CACNA1E: variants seen among roughly 807,000 people sequenced by gnomAD.
The protein encoded by CACNA1E is calcium voltage-gated channel subunit alpha1 E.
Under a neutral mutation model 259.2 loss-of-function variants are expected in CACNA1E, and 40 were observed. That is an observed-to-expected ratio of 0.15 (90% confidence interval 0.12 to 0.20). CACNA1E has a LOEUF of 0.20. CACNA1E is among the 10% of genes least tolerant of loss of function. The pLI is 1.00. For missense variants in CACNA1E, 1,874 were observed against 3,040.1 expected (o/e 0.62, Z 9.02); for synonymous variants, 1,104 against 1,138.5 (o/e 0.97, Z 0.61).
In CACNA1E at chr1:181,732,381, C is replaced by T. The variant is rs1216728269; in HGVS notation, c.2298-3C>T. ...CCGCGGCCCTGCCCTTTCCCCTTGG[C>T]AGGAGGGAGCGGAGGCGCCGGCACC... On this transcript the variant is annotated splice_region_variant and splice_polypyrimidine_tract_variant and intron_variant, in intron 19 of 47. Coordinates refer to ENST00000367573, the MANE Select transcript of CACNA1E (RefSeq NM_001205293.3). The surrounding 1 kb of genome is among the most constrained non-coding windows in gnomAD (Gnocchi z 5.5). 6.6e-7 allele frequency: 1 copy of T among 1,510,718 alleles called. No individual in the cohort carries two copies. The highest frequency in any genetic ancestry group is 1.3e-5 in the South Asian group (1 of 75,522). The allele number at this position is 1,510,718 out of a possible 1,614,324, so 93.6% of individuals were successfully genotyped here.
intron 7 of CACNA1E, among the ~76,000 whole-genome samples, chr1:181,691,003 C>A (rs936718392): frequency 6.6e-6 from 1 of 151,990 alleles, no homozygotes. Context: ...ATTGTGCTCA[C>A]TGCATCTATG....
chr1:181,367,628 C>A (rs1159340550), intron 1 of CACNA1E, among the ~76,000 whole-genome samples: 1 of 147,858 alleles, frequency 6.8e-6, no homozygotes, highest in Non-Finnish European at 1.5e-5. Context: ...TATGATTAAT[C>A]AAATATAACA....
intron 7 of CACNA1E, among the ~76,000 whole-genome samples, chr1:181,704,044 G>A (rs772404864): frequency 2.6e-5 from 4 of 152,164 alleles, no homozygotes; most frequent in Non-Finnish European, 4.4e-5. Context: ...TGATGTCGTC[G>A]AGCATTTGCA....
chr1:181,525,085 A>T (rs186328835), intron 3 of CACNA1E, among the ~76,000 whole-genome samples: 1 of 152,376 alleles, frequency 6.6e-6, no homozygotes, highest in Admixed American at 6.5e-5. Context: ...TTTAAGTCTG[A>T]TGTGTAGATA....
At chr1:181,670,968 G>A (rs531529046) in intron 7 of CACNA1E, among the ~76,000 whole-genome samples, 38 of 152,242 alleles carry the variant, frequency 2.5e-4, no homozygotes, top group African/African-American at 8.9e-4. Context: ...AGTAAAAGGT[G>A]GTAAGGGGGA....
At chr1:181,651,230 T>C in intron 6 of CACNA1E, 108 bp from the exon 7 acceptor site, 1 of 692,124 alleles carries the variant, frequency 1.4e-6, no homozygotes, top group South Asian at 1.8e-5. Flanking sequence ...AATATTTAAC[T>C]GTATTGCATT....
chr1:181,367,693 C>A (rs1654382516), intron 1 of CACNA1E, among the ~76,000 whole-genome samples: 1 of 150,616 alleles, frequency 6.6e-6, no homozygotes, highest in African/African-American at 2.4e-5. Flanking sequence ...ATTAAAATAG[C>A]AGAGAGTAAC....
intron 3 of CACNA1E, among the ~76,000 whole-genome samples, chr1:181,558,885 T>G (rs1420812138): frequency 1.3e-5 from 2 of 152,046 alleles, no homozygotes; most frequent in Non-Finnish European, 2.9e-5. Flanking sequence ...GATAGAGAAA[T>G]GAAACTGTTA....
chr1:181,714,133 G>A (rs2102442516), intron 8 of CACNA1E, among the ~76,000 whole-genome samples: 1 of 152,286 alleles, frequency 6.6e-6, no homozygotes, highest in South Asian at 2.1e-4. Flanking sequence ...CACTTTAGAT[G>A]GCAGCCAAAA....
intron 7 of CACNA1E, among the ~76,000 whole-genome samples, chr1:181,702,362 G>A (rs547516492): frequency 3.2e-4 from 49 of 152,022 alleles, no homozygotes; most frequent in Admixed American, 1.2e-3. Context: ...TCTCGCCAAG[G>A]CCACCATCAT....
intron 32 of CACNA1E, among the ~76,000 whole-genome samples, chr1:181,759,886 C>T (rs751744601): frequency 1.3e-5 from 2 of 152,122 alleles, no homozygotes; most frequent in African/African-American, 4.8e-5. Context: ...GGTCTCCCAG[C>T]GGTTCTTTGA....
At chr1:181,719,257 C>T (rs1204499850) in intron 12 of CACNA1E, among the ~76,000 whole-genome samples, 1 of 152,194 alleles carries the variant, frequency 6.6e-6, no homozygotes, top group East Asian at 1.9e-4. Context: ...CATCTTGCAG[C>T]AATCAGATCC....
rs371431735 is a variant in CACNA1E at position 181,579,783 on chromosome 1, G to A, written c.769+559G>A. Among the ~76,000 whole-genome samples, 4 of 152,290 alleles carry A rather than the reference G, an allele frequency of 2.6e-5. No individual in the cohort carries two copies. In the South Asian group the frequency reaches 8.3e-4, roughly 32 times the overall value. The stretch of plus-strand genomic sequence containing the variant: ...TGGCCCACAGGCTGGTGAGATCTAG[G>A]AGTCCAGAGTCAGAGTTGGGTCCCT... On this transcript the variant is annotated intron_variant, in intron 5 of 47. Transcript: ENST00000367573.
chr1:181,689,280 C>T (rs1015205119), intron 7 of CACNA1E, among the ~76,000 whole-genome samples: 7 of 152,140 alleles, frequency 4.6e-5, no homozygotes, highest in African/African-American at 1.4e-4. Context: ...TGGTTTCCAG[C>T]TTCATCCATG....
intron 3 of CACNA1E, among the ~76,000 whole-genome samples, chr1:181,538,070 C>T (rs184712294): frequency 3.2e-4 from 48 of 152,266 alleles, no homozygotes; most frequent in African/African-American, 1.1e-3. Context: ...GTGCCCTGTT[C>T]TAGTGTTTTC....
chr1:181,689,870 T>C (rs1209722045), intron 7 of CACNA1E, among the ~76,000 whole-genome samples: 1 of 152,208 alleles, frequency 6.6e-6, no homozygotes, highest in East Asian at 1.9e-4. Context: ...AGATTCTGGA[T>C]ATTAGCCCTT....
intron 2 of CACNA1E, among the ~76,000 whole-genome samples, chr1:181,445,635 T>C (rs965514414): frequency 1.1e-4 from 16 of 152,268 alleles, no homozygotes; most frequent in Non-Finnish European, 2.4e-4. Context: ...CAACAGGTGA[T>C]GTAGCACACA....
chr1:181,578,899 C>A (rs1157033081), intron 4 of CACNA1E, among the ~76,000 whole-genome samples, 173 bp from the exon 5 acceptor site: 1 of 152,212 alleles, frequency 6.6e-6, no homozygotes, highest in Non-Finnish European at 1.5e-5. Flanking sequence ...GGATTTACAG[C>A]CTAGCAGAGC....
chr1:181,465,558 CAT>C (rs1215887376), intron 2 of CACNA1E, among the ~76,000 whole-genome samples: 2 of 152,028 alleles, frequency 1.3e-5, no homozygotes, highest in Non-Finnish European at 2.9e-5. Context: ...GGAGTTTCCT[CAT>C]ATGTGTTTTC....
Sources: gnomAD v4.1 joint callset for allele counts (sites outside exome capture counted in the v4.1 genomes callset) on GRCh38, gnomAD v4.1.1 for gene constraint, Gnocchi (gnomAD v3.1) non-coding constraint, MANE v1.5 for transcripts, NCBI Gene and HGNC (gene_info 2026-07-23, HGNC 2026-07-21) for gene names.